The following SLC7A14 variants were observed in gnomAD, a reference collection of about 807,000 sequenced individuals.
The protein encoded by SLC7A14 is gamma-aminobutyric acid transporter SLC7A14.
A neutral mutation model predicts 60.2 loss-of-function variants in SLC7A14; 37 were observed. The observed-to-expected ratio is 0.61, with a 90% CI of 0.47 to 0.81. The LOEUF is 0.81. Among genes scored for constraint, SLC7A14 ranks in the 30% least tolerant of loss-of-function variants. SLC7A14 has a pLI of 0.00. For synonymous variants in SLC7A14, 399 were observed against 395.8 expected (o/e 1.01, Z -0.10); for missense variants, 886 against 982.7 (o/e 0.90, Z 1.32).
intron 7 of SLC7A14, among the ~76,000 whole-genome samples, chr3:170,475,002 C>T (rs966670183): frequency 1.3e-5 from 2 of 152,348 alleles, no homozygotes; most frequent in African/African-American, 4.8e-5. Flanking sequence ...CCTGCTAGTT[C>T]CATGTTCCCT....
rs765141635 is a variant in SLC7A14, at chr3:170,480,376, G to A, written c.1906C>T (p.Pro636Ser). 89 of 1,609,358 alleles carry A rather than the reference G, an allele frequency of 5.5e-5. No individual in the cohort carries two copies. The highest frequency in any genetic ancestry group is 7.6e-5 in the Non-Finnish European group (89 of 1,177,432). ...ATGTTCACCAGCATGGCAAAGGCAG[G>A]CACAAAGGGGAGGCAAGGGGCCATG... is the stretch of plus-strand genomic sequence containing the variant. ...PYMAPCLPFVPAFAMLVNIYL... is the reference protein window; with the variant it reads ...PYMAPCLPFVSAFAMLVNIYL... The change falls in exon 7 of 8, where the codon CCT becomes TCT. Residue 636 changes from proline (P) to serine (S), a missense_variant. Physicochemically the swap from Pro to Ser is moderately conservative, Grantham distance 74 (BLOSUM62 -1). Transcript: ENST00000231706.
In SLC7A14 at chr3:170,498,895, A is replaced by G; in HGVS notation, c.542-11T>C. ...ATTCTTCACCTTTCCCTAGAGAGGA[A>G]AGACATGATTTGACATTGTCTGGAG... On this transcript the variant is annotated splice_polypyrimidine_tract_variant and intron_variant, in intron 3 of 7. Coordinates refer to ENST00000231706, the MANE Select transcript of SLC7A14 (RefSeq NM_020949.3). 1 of 1,613,646 alleles carries G rather than the reference A, an allele frequency of 6.2e-7. No homozygotes were observed. Among genetic ancestry groups the G allele is most frequent in the African/African-American group, 1.3e-5 (1 of 74,988 alleles).
At chr3:170,493,499 GAAGA>G in intron 4 of SLC7A14, among the ~76,000 whole-genome samples, 1 of 152,144 alleles carries the variant, frequency 6.6e-6, no homozygotes, top group South Asian at 2.1e-4. Context: ...TAAAGCAATT[GAAGA>G]ATAAAGTGGG....
In SLC7A14 at chr3:170,480,975, T is replaced by A; in HGVS notation, c.1307A>T (p.Asp436Val). The part of the protein sequence containing the change: ...VLLLRYQPES[D>V]IDGFVKFLSE... ...CAAGAACTTGACAAAACCATCAATGTCACTCTCAGGTTGGTATCGAAGGAG... is the reference window on the plus strand; with the variant it reads ...CAAGAACTTGACAAAACCATCAATGACACTCTCAGGTTGGTATCGAAGGAG... The change falls in exon 7 of 8, where the codon GAC (aspartate) becomes GTC (valine). Residue 436 changes from aspartate (D) to valine (V), a missense_variant. Coordinates refer to ENST00000231706, the MANE Select transcript of SLC7A14 (RefSeq NM_020949.3). 6.2e-7 allele frequency: 1 copy of A among 1,614,036 alleles called. No individual in the cohort carries two copies. Among genetic ancestry groups the A allele is most frequent in the Non-Finnish European group, 8.5e-7 (1 of 1,179,994 alleles).
At chr3:170,573,664 T>G (rs1317810651) in intron 1 of SLC7A14, among the ~76,000 whole-genome samples, 1 of 152,238 alleles carries the variant, frequency 6.6e-6, no homozygotes, top group Non-Finnish European at 1.5e-5. Context: ...CAAAATAATT[T>G]GCCAGTTTCT....
chr3:170,562,864 G>A (rs913760724), intron 1 of SLC7A14, among the ~76,000 whole-genome samples: 2 of 151,872 alleles, frequency 1.3e-5, no homozygotes, highest in Non-Finnish European at 2.9e-5. Context: ...GGGTTTAAGC[G>A]AGTCTCATGA....
At chr3:170,476,051 A>G (rs1206155485) in intron 7 of SLC7A14, among the ~76,000 whole-genome samples, 1 of 152,174 alleles carries the variant, frequency 6.6e-6, no homozygotes, top group Admixed American at 6.5e-5. Context: ...GATGACATTG[A>G]TGCTGCTGGT....
chr3:170,531,065 T>C (rs2108295761), intron 1 of SLC7A14, among the ~76,000 whole-genome samples: 1 of 152,306 alleles, frequency 6.6e-6, no homozygotes, highest in East Asian at 1.9e-4. Context: ...CCCAAAATTC[T>C]AATGTAATTT....
At chr3:170,561,291 AG>A (rs1714641719) in intron 1 of SLC7A14, among the ~76,000 whole-genome samples, 2 of 152,216 alleles carry the variant, frequency 1.3e-5, no homozygotes, top group Admixed American at 6.5e-5. Flanking sequence ...ATATTTTTTA[AG>A]TGATCCACAG....
chr3:170,480,210 C>CAGCT, intron 7 of SLC7A14, 79 bp downstream of exon 7: 2 of 1,425,358 alleles, frequency 1.4e-6, no homozygotes, highest in Non-Finnish European at 1.9e-6. Context: ...TTGCCTAGTC[C>CAGCT]AGCTAGGAGG....
At chr3:170,568,701 A>T (rs1019150269) in intron 1 of SLC7A14, among the ~76,000 whole-genome samples, 1 of 152,182 alleles carries the variant, frequency 6.6e-6, no homozygotes, top group South Asian at 2.1e-4. Flanking sequence ...AGTGGTTTGT[A>T]GTTCTCCTTG....
At chr3:170,471,483 G>A (rs1275547692) in intron 7 of SLC7A14, among the ~76,000 whole-genome samples, 2 of 152,098 alleles carry the variant, frequency 1.3e-5, no homozygotes. Context: ...TCTAAAAAAA[G>A]CAGTATCATC....
At chr3:170,527,356 G>A (rs1417285409) in intron 1 of SLC7A14, among the ~76,000 whole-genome samples, 1 of 152,186 alleles carries the variant, frequency 6.6e-6, no homozygotes, top group Non-Finnish European at 1.5e-5. Context: ...TCTTGGGTAA[G>A]CCATGTCTGT....
chr3:170,536,371 A>G (rs1415968004), intron 1 of SLC7A14, among the ~76,000 whole-genome samples: 3 of 152,222 alleles, frequency 2.0e-5, no homozygotes, highest in Non-Finnish European at 4.4e-5. Context: ...AAGTTTAGAA[A>G]AACTTTGAAT....
At chr3:170,568,821 T>C (rs564530092) in intron 1 of SLC7A14, among the ~76,000 whole-genome samples, 2 of 152,314 alleles carry the variant, frequency 1.3e-5, no homozygotes, top group South Asian at 4.1e-4. Flanking sequence ...TGTCTGTTAT[T>C]GGTGTATAAG....
In SLC7A14 at chr3:170,546,901, A is replaced by G. The variant is rs570017007; in HGVS notation, c.-152-19813T>C. 3.3e-5 allele frequency among the ~76,000 whole-genome samples: 5 copies of G among 152,362 alleles called. 1 individual carries two copies. The highest frequency in any genetic ancestry group is 1.9e-4 in the East Asian group (1 of 5,188). On this transcript the variant is annotated intron_variant, in intron 1 of 7. Transcript: ENST00000231706. ...ACAGGTCTTCTTGGTCTGTCAGGCC[A>G]GTCTCCAAGGGCTCACAGCCCTTAT...
chr3:170,483,475 C>T lies in SLC7A14; in HGVS notation c.954G>A (p.Thr318=), dbSNP rs533853690. ...CAAACATCTCCATGAGTGGGGATTCCGTGTCAATGGTATAATATGGCACCA... is the reference window on the plus strand; with the variant it reads ...CAAACATCTCCATGAGTGGGGATTCTGTGTCAATGGTATAATATGGCACCA... ...TLMVPYYTID[T]ESPLMEMFVA... The change falls in exon 6 of 8, where the codon ACG becomes ACA. Residue 318 remains threonine, a synonymous_variant. Transcript: ENST00000231706. The T allele has an allele frequency of 1.7e-5, 28 of 1,614,162 alleles. No homozygotes were observed. The East Asian group carries it at 2.5e-4, about 14-fold the overall frequency.
intron 7 of SLC7A14, among the ~76,000 whole-genome samples, chr3:170,476,415 G>A (rs1711617573): frequency 6.6e-6 from 1 of 152,256 alleles, no homozygotes; most frequent in Admixed American, 6.5e-5. Context: ...TTGAACTGCA[G>A]ACTTCTGTGC....
intron 1 of SLC7A14, among the ~76,000 whole-genome samples, chr3:170,549,188 A>T (rs984393914): frequency 3.3e-5 from 5 of 151,366 alleles, no homozygotes; most frequent in Non-Finnish European, 7.4e-5. Context: ...TACAGGCTGA[A>T]TCCAGACTGG....
Sources: allele counts gnomAD v4.1 joint callset (sites outside exome capture counted in the v4.1 genomes callset), GRCh38; gene constraint gnomAD v4.1.1; transcripts MANE v1.5; gene names NCBI Gene and HGNC (gene_info 2026-07-23, HGNC 2026-07-21).